The following ERICH6 variants were observed in gnomAD, a reference collection of about 807,000 sequenced individuals.
ERICH6 encodes the protein glutamate rich 6.
A neutral mutation model predicts 71.0 loss-of-function variants in ERICH6; 71 were observed. The observed-to-expected ratio is 1.00, with a 90% CI of 0.83 to 1.22. The LOEUF is 1.22. Among genes scored for constraint, ERICH6 ranks in the 50% most tolerant of loss-of-function variants. ERICH6 has a pLI of 0.00. For missense variants in ERICH6, 808 were observed against 797.2 expected (o/e 1.01, Z -0.16); for synonymous variants, 262 against 278.4 (o/e 0.94, Z 0.59).
chr3:150,679,669 T>G (rs931777797), intron 9 of ERICH6, among the ~76,000 whole-genome samples: 1 of 152,148 alleles, frequency 6.6e-6, no homozygotes, highest in African/African-American at 2.4e-5. Flanking sequence ...AAGCTGACTT[T>G]TTTTTTTTGA....
intron 3 of ERICH6, among the ~76,000 whole-genome samples, chr3:150,688,554 C>CA (rs1712291229): frequency 6.6e-6 from 1 of 152,130 alleles, no homozygotes; most frequent in Non-Finnish European, 1.5e-5. Context: ...ATTGGGGCCC[C>CA]AAAATCACTA....
intron 12 of ERICH6, among the ~76,000 whole-genome samples, chr3:150,667,852 A>T (rs1727480076): frequency 6.6e-6 from 1 of 152,188 alleles, no homozygotes; most frequent in Non-Finnish European, 1.5e-5. Flanking sequence ...CCCCTAGCTA[A>T]CATCTCATGT....
intron 11 of ERICH6, among the ~76,000 whole-genome samples, chr3:150,673,000 G>A (rs57915730): frequency 0.037 from 5,687 of 151,986 alleles, 339 homozygotes; most frequent in African/African-American, 0.13. Flanking sequence ...ACTCTAACCC[G>A]GGCCTCACAG....
intron 11 of ERICH6, 143 bp from the exon 12 acceptor site, chr3:150,669,594 T>C: frequency 4.6e-6 from 4 of 868,412 alleles, no homozygotes; most frequent in Non-Finnish European, 6.8e-6. Context: ...ATTTTATGCT[T>C]TTTATGTGGA....
At chr3:150,697,220 A>G (rs1003921617) in intron 3 of ERICH6, among the ~76,000 whole-genome samples, 1 of 152,190 alleles carries the variant, frequency 6.6e-6, no homozygotes, top group African/African-American at 2.4e-5. Context: ...TATGGATACA[A>G]AAGCTTAGGA....
In ERICH6 at chr3:150,703,521, TG is replaced by T. The variant is rs754839145; in HGVS notation, c.377del (p.Pro126HisfsTer25). ...ATSTETPSAS[P>X]PSSTSSHKSF... ...TTTTATGCGAGGAGGTGCTGGAGGG[TG>T]GGCTTGCGCTCGGCGTTTCAGTGCT... On this transcript the variant is annotated frameshift_variant, in exon 1 of 14. Coordinates refer to ENST00000295910, the MANE Select transcript of ERICH6 (RefSeq NM_152394.5). LOFTEE classifies it high-confidence loss of function. 1 of 1,607,014 alleles carries T rather than the reference TG, an allele frequency of 6.2e-7. No homozygotes were observed. The highest frequency in any genetic ancestry group is 1.7e-5 in the Admixed American group (1 of 59,646).
At chr3:150,664,846 A>C (rs1017669040) in intron 13 of ERICH6, among the ~76,000 whole-genome samples, 1 of 151,626 alleles carries the variant, frequency 6.6e-6, no homozygotes, top group Non-Finnish European at 1.5e-5. Flanking sequence ...TATATTCACA[A>C]GTTGCTTGTA....
At chr3:150,702,992 A>AGCAG (rs1712970932) in intron 1 of ERICH6, among the ~76,000 whole-genome samples, 1 of 32,954 alleles carries the variant, frequency 3.0e-5, no homozygotes, top group Admixed American at 4.6e-4. Flanking sequence ...GGGGAGGGGG[A>AGCAG]ACAGAGAGAG....
At chr3:150,683,539 C>T (rs370992112) in intron 6 of ERICH6, among the ~76,000 whole-genome samples, 5 of 152,078 alleles carry the variant, frequency 3.3e-5, no homozygotes, top group East Asian at 3.9e-4. Context: ...CGAGGCAGGC[C>T]GATCACCTGA....
chr3:150,696,631 T>C (rs1465881987), intron 3 of ERICH6, among the ~76,000 whole-genome samples: 4 of 152,172 alleles, frequency 2.6e-5, no homozygotes, highest in African/African-American at 4.8e-5. Context: ...GAACACTGTT[T>C]GCTGAATTCA....
At position 150,662,503 on chromosome 3, in the gene ERICH6, G is replaced by A. The variant is rs534351478; in HGVS notation, c.1729-2348C>T. Reference sequence around the variant, plus strand: ...ACAACTTTTTTGGTTAAATATACATGGAACACTTATAAAAATTATGTAACC... The same window carrying A: ...ACAACTTTTTTGGTTAAATATACATAGAACACTTATAAAAATTATGTAACC... On this transcript the variant is annotated intron_variant, in intron 13 of 13. Coordinates refer to ENST00000295910, the MANE Select transcript of ERICH6 (RefSeq NM_152394.5). Among the ~76,000 whole-genome samples the A allele has an allele frequency of 3.9e-5, 6 of 152,078 alleles. No homozygotes were observed. The South Asian group carries it at 1.2e-3, about 32-fold the overall frequency.
At chr3:150,689,076 C>A (rs1712315008) in intron 3 of ERICH6, among the ~76,000 whole-genome samples, 1 of 152,188 alleles carries the variant, frequency 6.6e-6, no homozygotes, top group Non-Finnish European at 1.5e-5. Flanking sequence ...CTAGCTTGAG[C>A]TATCTGTATG....
At position 150,680,789 on chromosome 3, in the gene ERICH6, C is replaced by T; in HGVS notation, c.1024G>A (p.Glu342Lys). ...CAATGTTACCTTTGCAGGGCTTTTTCTTTTGCCTTGAGTCTGTCGACCTCA... is the reference window on the plus strand; with the variant it reads ...CAATGTTACCTTTGCAGGGCTTTTTTTTTTGCCTTGAGTCTGTCGACCTCA... Reference protein sequence around the residue: ...GSEVDRLKAKEKALQRKQEQR... With the variant: ...GSEVDRLKAKKKALQRKQEQR... Residue 342 changes from glutamate (E) to lysine (K), a missense_variant, in exon 8 of 14, where the codon GAA becomes AAA. By Grantham distance (56) the Glu-to-Lys change is moderately conservative. This residue lies in a region of ERICH6 where 736 missense variants were observed against 712.2 expected (regional missense o/e 1.03). Coordinates refer to ENST00000295910, the MANE Select transcript of ERICH6 (RefSeq NM_152394.5). 2 of 1,605,646 alleles carry T rather than the reference C, an allele frequency of 1.2e-6. No homozygotes were observed. Among genetic ancestry groups the T allele is most frequent in the South Asian group, 1.1e-5 (1 of 89,854 alleles).
chr3:150,703,842 C>T lies in ERICH6; in HGVS notation c.57G>A (p.Lys19=), dbSNP rs1218130941. The change falls in exon 1 of 14, where the codon AAG becomes AAA. Residue 19 remains lysine (K), a synonymous_variant. Transcript: ENST00000295910. ...GFGDPGKKDQ[K]ESEEELEEEE... ...CCTCCTCTAACTCCTCCTCTGACTCCTTCTGGTCCTTCTTCCCCGGGTCTC... is the reference window on the plus strand; with the variant it reads ...CCTCCTCTAACTCCTCCTCTGACTCTTTCTGGTCCTTCTTCCCCGGGTCTC... 1 of 1,614,046 alleles carries T rather than the reference C, an allele frequency of 6.2e-7. No homozygotes were observed. Among genetic ancestry groups the T allele is most frequent in the Non-Finnish European group, 8.5e-7 (1 of 1,179,988 alleles).
intron 10 of ERICH6, among the ~76,000 whole-genome samples, chr3:150,677,789 A>G (rs1016564867): frequency 2.0e-5 from 3 of 152,132 alleles, no homozygotes; most frequent in African/African-American, 7.2e-5. Flanking sequence ...GAGCCACTGT[A>G]CCTGGTCTTG....
chr3:150,702,729 G>A (rs1162824287), intron 1 of ERICH6, among the ~76,000 whole-genome samples: 2 of 151,858 alleles, frequency 1.3e-5, no homozygotes, highest in Non-Finnish European at 2.9e-5. Flanking sequence ...ACTAGAGCTT[G>A]AGAAGCCTAC....
Position 150,680,458 on chromosome 3 carries a change from A to G in ERICH6, c.1111+10T>C, listed in dbSNP as rs1392969583. 1 of 1,613,854 alleles carries G rather than the reference A, an allele frequency of 6.2e-7. No individual in the cohort carries two copies. Among genetic ancestry groups the G allele is most frequent in the Non-Finnish European group, 8.5e-7 (1 of 1,179,732 alleles). ...CAGCTGGTCTATAAGATCAGCACTA[A>G]TGAACTCACCATCTTCAGAGAAATG... On this transcript the variant is annotated intron_variant, in intron 9 of 13. Transcript: ENST00000295910.
intron 10 of ERICH6, among the ~76,000 whole-genome samples, chr3:150,676,750 C>T (rs1410700502): frequency 6.6e-6 from 1 of 152,052 alleles, no homozygotes; most frequent in Non-Finnish European, 1.5e-5. Context: ...GATTCTCCTG[C>T]CTCAACCTCC....
At chr3:150,680,408 A>C in intron 9 of ERICH6, 60 bp downstream of exon 9, 1 of 1,545,276 alleles carries the variant, frequency 6.5e-7, no homozygotes, top group East Asian at 2.3e-5. Flanking sequence ...CTTTTGGTTA[A>C]ACATCTGAGC....
Sources: allele counts gnomAD v4.1 joint callset (sites outside exome capture counted in the v4.1 genomes callset), GRCh38; gene constraint gnomAD v4.1.1; regional missense constraint gnomAD v4.1.1; transcripts MANE v1.5; gene names NCBI Gene and HGNC (gene_info 2026-07-23, HGNC 2026-07-21).